CAPN12: variants seen among roughly 807,000 people sequenced by gnomAD.
The protein encoded by CAPN12 is calpain-12.
A neutral mutation model predicts 95.0 loss-of-function variants in CAPN12; 107 were observed. The observed-to-expected ratio is 1.13, with a 90% CI of 0.96 to 1.32. CAPN12 has a LOEUF of 1.32. Among genes scored for constraint, CAPN12 ranks in the 40% most tolerant of loss-of-function variants. The pLI is 0.00. For synonymous variants in CAPN12, 505 were observed against 415.5 expected, an observed-to-expected ratio of 1.22 and a Z score of -2.62; for missense variants, 1,136 against 997.8, an observed-to-expected ratio of 1.14 and a Z score of -1.87.
chr19:38,737,895 G>A (rs1177589125), intron 8 of CAPN12, among the ~76,000 whole-genome samples: 1 of 151,896 alleles, frequency 6.6e-6, no homozygotes, highest in African/African-American at 2.4e-5. Flanking sequence ...CCCCCAAATA[G>A]CAAGACCCTC....
At chr19:38,732,508 T>C (rs1969701155) in intron 18 of CAPN12, among the ~76,000 whole-genome samples, 1 of 152,068 alleles carries the variant, frequency 6.6e-6, no homozygotes, top group African/African-American at 2.4e-5. Flanking sequence ...ATTTTTGTAG[T>C]TTTAGTAGAG....
At chr19:38,732,250 C>T (rs903640460) in intron 18 of CAPN12, among the ~76,000 whole-genome samples, 6 of 152,258 alleles carry the variant, frequency 3.9e-5, no homozygotes, top group South Asian at 4.1e-4. Flanking sequence ...TGTCTATCTC[C>T]GGCCCAGCCT....
At position 38,730,626 on chromosome 19, in the gene CAPN12, G is replaced by A. The variant is rs1246345085; in HGVS notation, c.*226C>T. On this transcript the variant is annotated 3_prime_UTR_variant, in exon 21 of 21. Coordinates refer to ENST00000328867, the MANE Select transcript of CAPN12 (RefSeq NM_144691.4). The stretch of plus-strand genomic sequence containing the variant: ...GCTAGCACTGTCTTAAGCTGTCAAC[G>A]TGGACTAGCTCGTGTCATCTGCTCG... 1.6e-5 allele frequency: 10 copies of A among 609,310 alleles called. 1 individual carries two copies. Among genetic ancestry groups the A allele is most frequent in the Admixed American group, 8.3e-5 (3 of 36,276 alleles). 37.7% of individuals were successfully genotyped at this position (609,310 alleles called of 1,614,324 possible).
Position 38,736,277 on chromosome 19 carries a change from C to G in CAPN12, c.1416G>C (p.Leu472=), listed in dbSNP as rs948432108. 1.4e-6 allele frequency: 2 copies of G among 1,455,944 alleles called. No homozygotes were observed. Among genetic ancestry groups the G allele is most frequent in the South Asian group, 2.9e-5 (2 of 70,064 alleles). 90.2% of individuals were successfully genotyped at this position (1,455,944 alleles called of 1,614,324 possible). A position where few individuals can be genotyped will look rare whatever the true frequency, so the allele number is the denominator to read the frequency against. ...AGCGGTCGGCGCGCAGCAGCCGGGG[C>G]AGGAGCGCATGGCTGCGCGGGGAAT... The part of the protein sequence containing the change: ...LWDSPRSHAL[L]PRLLRADRSP... The change falls in exon 12 of 21, where the codon CTG becomes CTC. Residue 472 remains leucine (L), a synonymous_variant. Coordinates refer to ENST00000328867, the MANE Select transcript of CAPN12 (RefSeq NM_144691.4).
intron 2 of CAPN12, among the ~76,000 whole-genome samples, 183 bp downstream of exon 2, chr19:38,742,850 C>CACAAAAAAAAAAA (rs1970632105): frequency 1.9e-5 from 1 of 53,306 alleles, no homozygotes; most frequent in Non-Finnish European, 3.0e-5. Context: ...GACCCCATCT[C>CACAAAAAAAAAAA]AAAAAAAAAA....
Position 38,742,467 on chromosome 19 carries a change from C to T in CAPN12, c.369G>A (p.Arg123=). ...SLTLYPRLLR[R]VVPPGQDFQH... ...GGAAATCCTGTCCAGGAGGGACCAC[C>T]CGGCGCAGGAGCCGGGGATACAGAG... is the stretch of plus-strand genomic sequence containing the variant. Residue 123 remains arginine (R), a synonymous_variant, in exon 3 of 21, where the codon CGG becomes CGA. Transcript: ENST00000328867. 6.2e-7 allele frequency: 1 copy of T among 1,613,888 alleles called. No homozygotes were observed. The highest frequency in any genetic ancestry group is 8.5e-7 in the Non-Finnish European group (1 of 1,179,898).
intron 15 of CAPN12, 121 bp downstream of exon 15, chr19:38,734,692 C>G: frequency 1.1e-6 from 1 of 903,204 alleles, no homozygotes; most frequent in Non-Finnish European, 1.7e-6. Flanking sequence ...AGGCTGAGCC[C>G]TGGCTTCCTG....
At chr19:38,740,283 G>A in intron 4 of CAPN12, 64 bp from the exon 5 acceptor site, 1 of 1,427,132 alleles carries the variant, frequency 7.0e-7, no homozygotes. Flanking sequence ...CCCCTGCCCT[G>A]GGATCTGCAG....
At chr19:38,740,246 T>C (rs1291696028) in intron 4 of CAPN12, 27 bp from the exon 5 acceptor site, 7 of 1,568,508 alleles carry the variant, frequency 4.5e-6, no homozygotes, top group Non-Finnish European at 6.1e-6. Flanking sequence ...GGGGTGAGGG[T>C]TGAGGCAAGT....
chr19:38,741,753 G>A (rs1339385943), intron 4 of CAPN12, 24 bp downstream of exon 4: 1 of 1,612,818 alleles, frequency 6.2e-7, no homozygotes. Flanking sequence ...TAGGGCTGCA[G>A]CTGGTTGGAA....
chr19:38,735,614 C>CA, intron 12 of CAPN12, 70 bp from the exon 13 acceptor site: 2 of 1,526,612 alleles, frequency 1.3e-6, no homozygotes, highest in Non-Finnish European at 1.8e-6. Context: ...GACGGGGTCT[C>CA]AGGTGAGGAA....
intron 2 of CAPN12, among the ~76,000 whole-genome samples, 160 bp downstream of exon 2, chr19:38,742,870 AAAG>A (rs1970636670): frequency 6.7e-6 from 1 of 148,778 alleles, no homozygotes; most frequent in Non-Finnish European, 1.5e-5. Context: ...AAAAAAAAAA[AAAG>A]GAAGGAAGGA....
In CAPN12 at chr19:38,738,592, G is replaced by A. The variant is rs755247263; in HGVS notation, c.786C>T (p.Ser262=). ...EEGLVKGHAY[S]ITGTHKVFLG... is the part of the protein sequence containing the mutation. ...CACTTACCTTGTGTGTGCCCGTGAT[G>A]GAATACGCGTGTCCCTTTACCAGGC... The change falls in exon 6 of 21, where the codon TCC becomes TCT. Residue 262 remains serine, a synonymous_variant. Coordinates refer to ENST00000328867, the MANE Select transcript of CAPN12 (RefSeq NM_144691.4). 7 of 1,613,936 alleles carry A rather than the reference G, an allele frequency of 4.3e-6. No individual in the cohort carries two copies. In the South Asian group the frequency reaches 6.6e-5, roughly 15 times the overall value.
At chr19:38,735,263 G>C (rs781518162) in intron 14 of CAPN12, 107 bp downstream of exon 14, 2 of 1,160,844 alleles carry the variant, frequency 1.7e-6, no homozygotes, top group Non-Finnish European at 2.4e-6. Flanking sequence ...CCCGGAGGGA[G>C]GAAAAAGCAA....
rs1027930634 is a variant in CAPN12, at chr19:38,730,582, C to T, written c.*270G>A. 58 of 562,178 alleles carry T rather than the reference C, an allele frequency of 1.0e-4. No individual in the cohort carries two copies. The highest frequency in any genetic ancestry group is 1.4e-4 in the Non-Finnish European group (44 of 314,558). 34.8% of individuals were successfully genotyped at this position (562,178 alleles called of 1,614,324 possible). ...TTCTCCTGTGTCTGTCCTCCACCTT[C>T]TAGGAGAGCCAGGGCAGAGCTAGCA... On this transcript the variant is annotated 3_prime_UTR_variant, in exon 21 of 21. Coordinates refer to ENST00000328867, the MANE Select transcript of CAPN12 (RefSeq NM_144691.4).
chr19:38,735,264 G>A (rs759859735), intron 14 of CAPN12, 106 bp downstream of exon 14: 134 of 1,184,032 alleles, frequency 1.1e-4, no homozygotes, highest in Non-Finnish European at 1.5e-4. Context: ...CCGGAGGGAG[G>A]AAAAAGCAAG....
At chr19:38,734,275 C>G in intron 16 of CAPN12, 44 bp downstream of exon 16, 3 of 1,603,954 alleles carry the variant, frequency 1.9e-6, no homozygotes, top group Non-Finnish European at 2.6e-6. Context: ...CCCAACGTCC[C>G]CTTCCCCACT....
Position 38,736,334 on chromosome 19 carries a change from C to T in CAPN12, c.1375-16G>A, listed in dbSNP as rs1217026753. 1 of 1,450,130 alleles carries T rather than the reference C, an allele frequency of 6.9e-7. No homozygotes were observed. The highest frequency in any genetic ancestry group is 9.1e-7 in the Non-Finnish European group (1 of 1,101,954). 89.8% of individuals were successfully genotyped at this position (1,450,130 alleles called of 1,614,324 possible). A position where few individuals can be genotyped will look rare whatever the true frequency, so the allele number is the denominator to read the frequency against. On this transcript the variant is annotated splice_polypyrimidine_tract_variant and intron_variant, in intron 11 of 20. Coordinates refer to ENST00000328867, the MANE Select transcript of CAPN12 (RefSeq NM_144691.4). ...GGCCCAGCAGCTGGGGACGGGGCGGCATGACCACGGACCAGGCTCACCCCC... is the reference window on the plus strand; with the variant it reads ...GGCCCAGCAGCTGGGGACGGGGCGGTATGACCACGGACCAGGCTCACCCCC...
rs371768110 is a variant in CAPN12 at position 38,736,260 on chromosome 19, G to A, written c.1433C>T (p.Ala478Val). The A allele has an allele frequency of 1.4e-6, 2 of 1,464,438 alleles. No individual in the cohort carries two copies. Among genetic ancestry groups the A allele is most frequent in the Admixed American group, 5.1e-5 (2 of 39,596 alleles). 90.7% of individuals were successfully genotyped at this position (1,464,438 alleles called of 1,614,324 possible). A position where few individuals can be genotyped will look rare whatever the true frequency, so the allele number is the denominator to read the frequency against. The change falls in exon 12 of 21, where the codon GCC (alanine) becomes GTC (valine). Residue 478 changes from alanine (A) to valine (V), a missense_variant. Ala to Val is a moderately conservative substitution (Grantham distance 64). Transcript: ENST00000328867. Reference protein sequence around the residue: ...SHALLPRLLRADRSPLSARRD... With the variant: ...SHALLPRLLRVDRSPLSARRD... ...GCGGGCGCTGAGGGGCGAGCGGTCGGCGCGCAGCAGCCGGGGCAGGAGCGC... is the reference window on the plus strand; with the variant it reads ...GCGGGCGCTGAGGGGCGAGCGGTCGACGCGCAGCAGCCGGGGCAGGAGCGC...
Sources: allele counts gnomAD v4.1 joint callset (sites outside exome capture counted in the v4.1 genomes callset), GRCh38; gene constraint gnomAD v4.1.1; transcripts MANE v1.5; gene names NCBI Gene and HGNC (gene_info 2026-07-23, HGNC 2026-07-21).